Variants in EPHB1 observed in about 807,000 individuals in gnomAD.
EPHB1 encodes the protein ephrin type-B receptor 1.
A neutral mutation model predicts 94.4 loss-of-function variants in EPHB1; 30 were observed. The ratio of observed to expected loss-of-function variants is 0.32; its 90% CI spans 0.24 to 0.43. The LOEUF (loss-of-function observed/expected upper bound fraction) is 0.43, where lower values mean the gene tolerates loss of function less well. EPHB1 is among the 20% of genes least tolerant of loss of function. The probability of loss-of-function intolerance (pLI) is 1.00; values close to 1 mark genes in which losing one functional copy is unlikely to be tolerated. For synonymous variants in EPHB1, 522 were observed against 489.1 expected (o/e 1.07, Z -0.89); for missense variants, 1,055 against 1,308.3 (o/e 0.81, Z 2.99).
At chr3:134,978,255 C>G (rs1934266898) in intron 3 of EPHB1, among the ~76,000 whole-genome samples, 1 of 152,154 alleles carries the variant, frequency 6.6e-6, no homozygotes, top group Admixed American at 6.5e-5. Context: ...TGGGCTCTCT[C>G]TTGTCTTCCG....
intron 10 of EPHB1, among the ~76,000 whole-genome samples, chr3:135,190,959 C>T (rs1013991480): frequency 6.6e-6 from 1 of 152,058 alleles, no homozygotes; most frequent in Non-Finnish European, 1.5e-5. Context: ...AGCAGTGTTG[C>T]AGCCAGGTGC....
Position 135,216,365 on chromosome 3 carries a change from CA to C in EPHB1, c.2346+14679del, listed in dbSNP as rs1440191661. 8.5e-5 allele frequency among the ~76,000 whole-genome samples: 13 copies of C among 152,196 alleles called. No homozygotes were observed. In the East Asian group the frequency reaches 2.5e-3, roughly 29 times the overall value. ...TGGAAAAGAAAAAGCAAAAACCTAT[CA>C]AATCAGCCCTGGAGATCCTGAGGAT... On this transcript the variant is annotated intron_variant, in intron 12 of 15. Coordinates refer to ENST00000398015, the MANE Select transcript of EPHB1 (RefSeq NM_004441.5).
intron 1 of EPHB1, among the ~76,000 whole-genome samples, chr3:134,798,009 C>T (rs1458832991): frequency 6.6e-6 from 1 of 152,152 alleles, no homozygotes; most frequent in African/African-American, 2.4e-5. Flanking sequence ...TTGGGGCCAG[C>T]GTTATTTGGT....
At chr3:135,135,173 T>G (rs1198167753) in intron 5 of EPHB1, among the ~76,000 whole-genome samples, 1 of 152,158 alleles carries the variant, frequency 6.6e-6, no homozygotes, top group African/African-American at 2.4e-5. Flanking sequence ...ATTCCCTGTT[T>G]GGTAACTCTG....
At chr3:135,239,363 T>G (rs1943727105) in intron 12 of EPHB1, among the ~76,000 whole-genome samples, 1 of 152,184 alleles carries the variant, frequency 6.6e-6, no homozygotes, top group South Asian at 2.1e-4. Context: ...CCATGTATCT[T>G]TGGTGACTTG....
In EPHB1 at chr3:135,099,012, CAAAAAAAAAAAAAAA is replaced by C. The variant is rs34508563; in HGVS notation, c.806-7424_806-7410del. ...TGGGCAACAGAGTGAGACCCTGCCT[CAAAAAAAAAAAAAAA>C]AAAAAAAAAAAGGGAATCCACACTT... On this transcript the variant is annotated intron_variant, in intron 3 of 15. Transcript: ENST00000398015. Among the ~76,000 whole-genome samples, 3 of 64,484 alleles carry C rather than the reference CAAAAAAAAAAAAAAA, an allele frequency of 4.7e-5. No individual in the cohort carries two copies. The East Asian group carries it at 1.8e-3, about 38-fold the overall frequency. The allele number at this position is 64,484 out of a possible 152,430, so 42.3% of individuals were successfully genotyped here.
intron 1 of EPHB1, among the ~76,000 whole-genome samples, chr3:134,893,784 T>C (rs2038033325): frequency 6.6e-6 from 1 of 152,238 alleles, no homozygotes; most frequent in Non-Finnish European, 1.5e-5. Flanking sequence ...GGTAACTCCT[T>C]GCAGGATACC....
intron 1 of EPHB1, among the ~76,000 whole-genome samples, chr3:134,799,327 G>A (rs1470257331): frequency 6.6e-6 from 1 of 152,188 alleles, no homozygotes; most frequent in Non-Finnish European, 1.5e-5. Flanking sequence ...TCTGTTTTTG[G>A]TGTCCATGAA....
chr3:135,221,123 G>C (rs1943271944), intron 12 of EPHB1, among the ~76,000 whole-genome samples: 1 of 152,188 alleles, frequency 6.6e-6, no homozygotes, highest in Admixed American at 6.6e-5. Flanking sequence ...ATATGAAATG[G>C]CTTTGTAGCT....
intron 3 of EPHB1, among the ~76,000 whole-genome samples, chr3:134,983,379 T>G (rs1275292306): frequency 6.6e-6 from 1 of 152,284 alleles, no homozygotes; most frequent in African/African-American, 2.4e-5. Flanking sequence ...TGAGCACAGT[T>G]CTGCATGTGT....
chr3:135,137,322 C>T (rs1940657036), intron 5 of EPHB1, among the ~76,000 whole-genome samples: 1 of 152,158 alleles, frequency 6.6e-6, no homozygotes, highest in African/African-American at 2.4e-5. Context: ...CCAGCACTGC[C>T]TGATTTTATA....
intron 1 of EPHB1, among the ~76,000 whole-genome samples, chr3:134,805,906 C>G (rs1290097009): frequency 6.6e-6 from 1 of 152,076 alleles, no homozygotes; most frequent in Admixed American, 6.5e-5. Flanking sequence ...CACTGGTATC[C>G]AGTTGTGTGT....
intron 1 of EPHB1, among the ~76,000 whole-genome samples, chr3:134,801,510 A>G (rs1201875688): frequency 6.6e-6 from 1 of 152,114 alleles, no homozygotes; most frequent in Non-Finnish European, 1.5e-5. Flanking sequence ...ATTCCTTGGA[A>G]GAGCTCTTTT....
intron 10 of EPHB1, among the ~76,000 whole-genome samples, chr3:135,189,678 G>A (rs1041372078): frequency 2.6e-5 from 4 of 152,192 alleles, no homozygotes; most frequent in African/African-American, 7.2e-5. Context: ...GTCTCTTCAG[G>A]TGATTCCATT....
intron 3 of EPHB1, among the ~76,000 whole-genome samples, chr3:135,096,840 G>T (rs968101379): frequency 6.6e-6 from 1 of 152,208 alleles, no homozygotes; most frequent in Admixed American, 6.5e-5. Context: ...GCTCATGCCT[G>T]TAGTGCCAGC....
At chr3:135,163,780 G>T (rs1295733973) in intron 7 of EPHB1, among the ~76,000 whole-genome samples, 6 of 152,246 alleles carry the variant, frequency 3.9e-5, no homozygotes, top group Non-Finnish European at 8.8e-5. Flanking sequence ...GGGGCTGGTT[G>T]TAAGAGAGTT....
At chr3:135,018,987 A>T (rs546009487) in intron 3 of EPHB1, among the ~76,000 whole-genome samples, 1 of 151,816 alleles carries the variant, frequency 6.6e-6, no homozygotes, top group Admixed American at 6.5e-5. Flanking sequence ...GGCAGAGAGG[A>T]CAGGGGAGAG....
intron 3 of EPHB1, among the ~76,000 whole-genome samples, chr3:135,024,491 C>T (rs1230838381): frequency 1.3e-5 from 2 of 152,136 alleles, no homozygotes; most frequent in East Asian, 1.9e-4. Context: ...CACGGATGGA[C>T]ATCGCCAGAA....
At chr3:135,151,356 G>T (rs1347343855) in intron 5 of EPHB1, among the ~76,000 whole-genome samples, 1 of 152,006 alleles carries the variant, frequency 6.6e-6, no homozygotes, top group Non-Finnish European at 1.5e-5. Context: ...CCCCAGATCA[G>T]CCCCTTTGTC....
Sources: allele counts gnomAD v4.1 joint callset (sites outside exome capture counted in the v4.1 genomes callset), GRCh38; gene constraint gnomAD v4.1.1; transcripts MANE v1.5; gene names NCBI Gene and HGNC (gene_info 2026-07-23, HGNC 2026-07-21).